Variants in COL11A1 observed in about 807,000 individuals in gnomAD.
COL11A1 encodes the protein collagen type XI alpha 1 chain, also known as collagen alpha-1(XI) chain.
Under a neutral mutation model 265.2 loss-of-function variants are expected in COL11A1, and 74 were observed. The ratio of observed to expected loss-of-function variants is 0.28; its 90% CI spans 0.23 to 0.34. COL11A1 has a LOEUF of 0.34. Among genes scored for constraint, COL11A1 ranks in the 10% least tolerant of loss-of-function variants. COL11A1 has a pLI of 1.00. For missense variants in COL11A1, 2,165 were observed against 2,263.6 expected, an observed-to-expected ratio of 0.96 and a Z score of 0.88; for synonymous variants, 816 against 727.6, an observed-to-expected ratio of 1.12 and a Z score of -1.96.
intron 46 of COL11A1, among the ~76,000 whole-genome samples, chr1:102,933,719 C>A (rs1320588937): frequency 6.6e-6 from 1 of 152,150 alleles, no homozygotes; most frequent in Non-Finnish European, 1.5e-5. Flanking sequence ...TGATCTCAGA[C>A]TGCTGTGCTA....
intron 37 of COL11A1, among the ~76,000 whole-genome samples, chr1:102,969,746 C>A (rs1168247740): frequency 6.6e-6 from 1 of 152,122 alleles, no homozygotes; most frequent in East Asian, 1.9e-4. Context: ...AGTTCCCAAC[C>A]AGTTATAGCC....
At position 102,890,485 on chromosome 1, in the gene COL11A1, C is replaced by T; in HGVS notation, c.4322G>A (p.Gly1441Asp). 17 of 1,607,428 alleles carry T rather than the reference C, an allele frequency of 1.1e-5. No homozygotes were observed. The highest frequency in any genetic ancestry group is 1.4e-5 in the Non-Finnish European group (17 of 1,177,328). Residue 1441 changes from glycine (G) to aspartate (D), a missense_variant, in exon 58 of 67, where the codon GGT becomes GAT. Physicochemically the swap from Gly to Asp is moderately conservative, Grantham distance 94. Transcript: ENST00000370096. ...PGPMGPPGLP[G>D]LKGDPGSKGE... ...CTTGGAGCCAGGGTCACCTTTGAGA[C>T]CAGGTAAGCCAGGAGGTCCCTAAAT...
intron 36 of COL11A1, among the ~76,000 whole-genome samples, chr1:102,973,564 T>TA (rs1348194965): frequency 6.6e-6 from 1 of 152,176 alleles, no homozygotes; most frequent in Non-Finnish European, 1.5e-5. Flanking sequence ...AGAATGTTTA[T>TA]AAAAATATAC....
In COL11A1 at chr1:102,920,337, C is replaced by A; in HGVS notation, c.3736G>T (p.Gly1246Cys). 1 of 1,613,312 alleles carries A rather than the reference C, an allele frequency of 6.2e-7. No homozygotes were observed. The highest frequency in any genetic ancestry group is 1.3e-5 in the African/African-American group (1 of 74,982). ...DGPQGPPGSVGSVGGVGEKGE... is the reference protein window; with the variant it reads ...DGPQGPPGSVCSVGGVGEKGE... ...TTTTCTCCAACACCACCAACTGAAC[C>A]AACAGACCCTGGGGGTCCTTGTGGT... Residue 1246 changes from glycine (G) to cysteine (C), a missense_variant, in exon 49 of 67, where the codon GGT becomes TGT. Coordinates refer to ENST00000370096, the MANE Select transcript of COL11A1 (RefSeq NM_001854.4).
At chr1:103,026,387 C>T (rs1667521537) in intron 5 of COL11A1, 55 bp from the exon 6 acceptor site, 8 of 1,106,978 alleles carry the variant, frequency 7.2e-6, no homozygotes, top group Non-Finnish European at 9.8e-6. Flanking sequence ...AAATACTATT[C>T]ACAAAGTGAG....
intron 36 of COL11A1, 80 bp downstream of exon 36, chr1:102,974,748 CAA>C: frequency 9.7e-7 from 1 of 1,027,276 alleles, no homozygotes; most frequent in Non-Finnish European, 1.5e-6. Context: ...TTATATCTAA[CAA>C]ATATATAAAT....
At chr1:102,932,606 T>C (rs1342222189) in intron 46 of COL11A1, among the ~76,000 whole-genome samples, 1 of 152,174 alleles carries the variant, frequency 6.6e-6, no homozygotes, top group Admixed American at 6.5e-5. Context: ...CTTTGTGGCA[T>C]TCTCTGTATT....
intron 5 of COL11A1, among the ~76,000 whole-genome samples, chr1:103,030,713 T>C (rs2101992675): frequency 6.6e-6 from 1 of 152,286 alleles, no homozygotes. Context: ...CTAATGTCAC[T>C]TTCTCATTTG....
intron 5 of COL11A1, among the ~76,000 whole-genome samples, chr1:103,026,668 T>C (rs1667546108): frequency 6.6e-6 from 1 of 152,152 alleles, no homozygotes; most frequent in African/African-American, 2.4e-5. Context: ...TATTCATTAA[T>C]TTTGATTTGT....
intron 54 of COL11A1, among the ~76,000 whole-genome samples, chr1:102,905,998 A>G (rs1369273095): frequency 6.6e-6 from 1 of 152,036 alleles, no homozygotes; most frequent in African/African-American, 2.4e-5. Context: ...GGAAGAAAAT[A>G]TTTTACTCCT....
chr1:103,004,698 A>G (rs768919827), intron 18 of COL11A1, 37 bp from the exon 19 acceptor site: 13 of 1,553,758 alleles, frequency 8.4e-6, no homozygotes, highest in Admixed American at 1.7e-5. Context: ...GCATATGGAA[A>G]GAAGTAGAAT....
At position 102,965,473 on chromosome 1, in the gene COL11A1, G is replaced by C. The variant is rs527387345; in HGVS notation, c.2916+14C>G. The C allele has an allele frequency of 3.7e-6, 6 of 1,612,262 alleles. No individual in the cohort carries two copies. In the East Asian group the frequency reaches 1.1e-4, roughly 30 times the overall value. ...AAATAAATCTTGCTTGGGAAATAAA[G>C]CAAAGGAACATACCTGTGGTCCAAC... On this transcript the variant is annotated intron_variant, in intron 38 of 66. Transcript: ENST00000370096.
In COL11A1 at chr1:102,887,023, T is replaced by G; in HGVS notation, c.4642A>C (p.Ile1548Leu). Residue 1548 changes from isoleucine (I) to leucine (L), a missense_variant, in exon 63 of 67, where the codon ATC becomes CTC. Physicochemically the swap from Ile to Leu is conservative, Grantham distance 5 (BLOSUM62 2). Transcript: ENST00000370096. ...CTTCTCGTTTTTTTGGAGGACAAGA[T>G]TGGTAAAGGCTGAATGACTTCACCA... ...PPGEVIQPLP[I>L]LSSKKTRRHT... The G allele has an allele frequency of 1.2e-6, 2 of 1,613,904 alleles. No homozygotes were observed. Among genetic ancestry groups the G allele is most frequent in the Non-Finnish European group, 1.7e-6 (2 of 1,179,846 alleles).
chr1:103,026,157 G>C (rs908959084), intron 6 of COL11A1, 59 bp downstream of exon 6: 7 of 1,294,906 alleles, frequency 5.4e-6, no homozygotes, highest in Non-Finnish European at 6.8e-6. Flanking sequence ...GTCAACATAA[G>C]GAACCACAGG....
chr1:102,928,981 C>G (rs1174964907), intron 46 of COL11A1, among the ~76,000 whole-genome samples: 1 of 109,240 alleles, frequency 9.2e-6, no homozygotes, highest in Non-Finnish European at 2.0e-5. Flanking sequence ...ATTGTAGATT[C>G]TGGATATTAG....
At chr1:103,046,221 T>A (rs1669253241) in intron 4 of COL11A1, among the ~76,000 whole-genome samples, 1 of 140,000 alleles carries the variant, frequency 7.1e-6, no homozygotes, top group South Asian at 2.5e-4. Context: ...TTGAACTAGT[T>A]TACAGTCCCA....
At chr1:103,017,936 G>T in intron 10 of COL11A1, 54 bp from the exon 11 acceptor site, 1 of 1,377,242 alleles carries the variant, frequency 7.3e-7, no homozygotes, top group Non-Finnish European at 1.0e-6. Context: ...TTAATATTTA[G>T]ATGAATTCAC....
intron 1 of COL11A1, among the ~76,000 whole-genome samples, chr1:103,086,456 G>A (rs894601312): frequency 6.6e-6 from 1 of 152,078 alleles, no homozygotes; most frequent in Non-Finnish European, 1.5e-5. Flanking sequence ...TTGCTCTGTT[G>A]CCCAGGCTGG....
intron 4 of COL11A1, among the ~76,000 whole-genome samples, chr1:103,050,480 G>A (rs970617393): frequency 6.6e-6 from 1 of 152,030 alleles, no homozygotes; most frequent in Non-Finnish European, 1.5e-5. Context: ...CTCTGCATTG[G>A]TTATTCTAGT....
Sources: gnomAD v4.1 joint callset for allele counts (sites outside exome capture counted in the v4.1 genomes callset) on GRCh38, gnomAD v4.1.1 for gene constraint, MANE v1.5 for transcripts, NCBI Gene and HGNC (gene_info 2026-07-23, HGNC 2026-07-21) for gene names.